CARS2: variants seen among roughly 807,000 people sequenced by gnomAD.
CARS2 encodes the protein probable cysteine--tRNA ligase, mitochondrial.
In CARS2, 52 loss-of-function variants were observed where a neutral mutation model predicts 68.8. That is an observed-to-expected ratio of 0.76 (90% confidence interval 0.61 to 0.95). CARS2 has a LOEUF of 0.95. Among genes scored for constraint, CARS2 ranks in the 40% least tolerant of loss-of-function variants. The probability of loss-of-function intolerance (pLI) is 0.00; values close to 1 mark genes in which losing one functional copy is unlikely to be tolerated. For missense variants in CARS2, 780 were observed against 754.2 expected, an observed-to-expected ratio of 1.03 and a Z score of -0.40; for synonymous variants, 314 against 303.6, an observed-to-expected ratio of 1.03 and a Z score of -0.36.
rs142962763 is a variant in CARS2, at chr13:110,683,078, C to T, written c.628G>A (p.Val210Met). 1.5e-4 allele frequency: 233 copies of T among 1,602,450 alleles called. 2 individuals are homozygous for T. In the South Asian group the frequency reaches 1.8e-3, roughly 13 times the overall value. Residue 210 changes from valine to methionine, a missense_variant, in exon 6 of 15, where the codon GTG becomes ATG. Coordinates refer to ENST00000257347, the MANE Select transcript of CARS2 (RefSeq NM_024537.4). ...GGCTCTCCGACTGGACCAGGGACCACGCCGACCAATTTGCCATACTTGTCT... is the reference window on the plus strand; with the variant it reads ...GGCTCTCCGACTGGACCAGGGACCATGCCGACCAATTTGCCATACTTGTCT... Reference protein sequence around the residue: ...RGDKYGKLVGVVPGPVGEPAD... With the variant: ...RGDKYGKLVGMVPGPVGEPAD...
upstream of CARS2, among the ~76,000 whole-genome samples, chr13:110,706,952 C>T (rs540370397): frequency 3.4e-5 from 5 of 148,766 alleles, no homozygotes; most frequent in East Asian, 8.0e-4. Context: ...CCCTAGCACA[C>T]ACCACATCAG....
rs984283842 is a variant in CARS2 at position 110,670,706 on chromosome 13, A to G, written c.786-3233T>C. ...AGCAATGGAACAAAGCTGGACAGAG[A>G]ATGACTTTGATGAGTTGAGAGAAGA... is the stretch of plus-strand genomic sequence containing the variant. On this transcript the variant is annotated intron_variant, in intron 7 of 14. Coordinates refer to ENST00000257347, the MANE Select transcript of CARS2 (RefSeq NM_024537.4). The surrounding 1 kb of genome is among the most constrained non-coding windows in gnomAD (Gnocchi z 4.1). Among the ~76,000 whole-genome samples the G allele has an allele frequency of 2.0e-5, 3 of 152,214 alleles. No individual in the cohort carries two copies. Among genetic ancestry groups the G allele is most frequent in the African/African-American group, 7.2e-5 (3 of 41,466 alleles).
chr13:110,705,743 C>A lies in CARS2; in HGVS notation c.224+127G>T. The A allele has an allele frequency of 6.5e-7, 1 of 1,537,462 alleles. No individual in the cohort carries two copies. Among genetic ancestry groups the A allele is most frequent in the South Asian group, 1.2e-5 (1 of 83,554 alleles). The stretch of plus-strand genomic sequence containing the variant: ...AAACCTGCAAAAGCACCGCGCACCC[C>A]CAGCTTCTAGAACGGCGCCCTCCAT... On this transcript the variant is annotated intron_variant, in intron 1 of 14. Coordinates refer to ENST00000257347, the MANE Select transcript of CARS2 (RefSeq NM_024537.4). The surrounding 1 kb of genome is among the most constrained non-coding windows in gnomAD (Gnocchi z 4.0).
At chr13:110,687,669 ACT>A (rs2063339113) in intron 5 of CARS2, 50 bp downstream of exon 5, 8 of 1,196,338 alleles carry the variant, frequency 6.7e-6, no homozygotes, top group East Asian at 2.4e-5. Flanking sequence ...ACAGAGTAAA[ACT>A]CTGTCTCAAA....
At chr13:110,689,418 C>T (rs1257320654) in intron 3 of CARS2, among the ~76,000 whole-genome samples, 2 of 152,190 alleles carry the variant, frequency 1.3e-5, no homozygotes, top group Admixed American at 6.5e-5. Context: ...GGGCCAGGTC[C>T]CAACCATGTG....
intron 3 of CARS2, among the ~76,000 whole-genome samples, chr13:110,689,899 C>A (rs1409511050): frequency 2.0e-5 from 3 of 152,144 alleles, no homozygotes; most frequent in Non-Finnish European, 4.4e-5. Context: ...CAGACTCCCC[C>A]GGAAGTCTCA....
chr13:110,641,788 T>C (rs1045825981), intron 14 of CARS2, among the ~76,000 whole-genome samples, 180 bp from the exon 15 acceptor site: 9 of 152,244 alleles, frequency 5.9e-5, no homozygotes, highest in Non-Finnish European at 1.0e-4. Flanking sequence ...TCAAGGCACC[T>C]GCAGGAGGTG....
chr13:110,663,406 A>G (rs755955460), intron 9 of CARS2, 45 bp downstream of exon 9: 1 of 1,583,576 alleles, frequency 6.3e-7, no homozygotes, highest in South Asian at 1.1e-5. Context: ...GATGGGTTCC[A>G]CAAGCTATCG....
In CARS2 at chr13:110,677,023, AG is replaced by A. The variant is rs767537751; in HGVS notation, c.735del (p.Trp246GlyfsTer31). The A allele has an allele frequency of 6.2e-7, 1 of 1,604,878 alleles. No individual in the cohort carries two copies. The highest frequency in any genetic ancestry group is 8.5e-7 in the Non-Finnish European group (1 of 1,173,032). On this transcript the variant is annotated frameshift_variant, in exon 7 of 15. Transcript: ENST00000257347. LOFTEE classifies it high-confidence loss of function. ...AKPQEVFWAS[P>X]WGPGRPGWHI... ...TGCCAGCCCGGCCTCCCGGGTCCCC[AG>A]GGAGAGGCCCAGAACACCTCCTGGG...
At chr13:110,701,916 T>C (rs1311972513) in intron 2 of CARS2, among the ~76,000 whole-genome samples, 2 of 152,170 alleles carry the variant, frequency 1.3e-5, no homozygotes, top group East Asian at 3.8e-4. Flanking sequence ...TGTTCTAGAG[T>C]AATTCTAATT....
intron 7 of CARS2, among the ~76,000 whole-genome samples, chr13:110,673,995 A>G (rs987058947): frequency 6.6e-6 from 1 of 152,150 alleles, no homozygotes; most frequent in African/African-American, 2.4e-5. Context: ...TAGGAATCCA[A>G]CTTACAAGGG....
intron 9 of CARS2, chr13:110,663,191 C>T (rs1480761605): frequency 5.2e-6 from 3 of 578,488 alleles, no homozygotes; most frequent in African/African-American, 1.9e-5. Flanking sequence ...GAAGAGGGCG[C>T]CGGCCTTGAA....
intron 13 of CARS2, chr13:110,644,127 G>A (rs747824816): frequency 1.3e-5 from 18 of 1,388,102 alleles, no homozygotes; most frequent in African/African-American, 2.9e-5. Flanking sequence ...CAGAGCTGGC[G>A]ACATTCTGTT....
chr13:110,687,910 C>T (rs781623304), intron 4 of CARS2, 37 bp downstream of exon 4: 1 of 1,584,430 alleles, frequency 6.3e-7, no homozygotes, highest in East Asian at 2.2e-5. Context: ...TCACGCCTGT[C>T]ACCCTCATGG....
At chr13:110,675,303 C>T (rs1384117979) in intron 7 of CARS2, among the ~76,000 whole-genome samples, 1 of 152,196 alleles carries the variant, frequency 6.6e-6, no homozygotes, top group African/African-American at 2.4e-5. Context: ...GACTTGGAAC[C>T]AACCCAAATG....
chr13:110,679,650 C>T (rs1361821530), intron 6 of CARS2, among the ~76,000 whole-genome samples: 4 of 43,162 alleles, frequency 9.3e-5, no homozygotes, highest in Non-Finnish European at 1.3e-4. Flanking sequence ...CGGGCGTGAC[C>T]GGAGGGAGGG....
exon 1 of CARS2, chr13:110,713,347 C>T (rs2139962415): frequency 8.2e-6 from 9 of 1,093,608 alleles, no homozygotes; most frequent in Non-Finnish European, 1.0e-5. Flanking sequence ...AGGTCCTGGT[C>T]GGGTTTTCAG....
upstream of CARS2, among the ~76,000 whole-genome samples, chr13:110,710,109 G>A (rs1160503230): frequency 5.3e-5 from 8 of 152,190 alleles, no homozygotes; most frequent in South Asian, 1.2e-3. Flanking sequence ...GGCCAGGCGC[G>A]GTGGTTCACG....
At chr13:110,660,913 C>G (rs1377199167) in intron 9 of CARS2, among the ~76,000 whole-genome samples, 1 of 152,070 alleles carries the variant, frequency 6.6e-6, no homozygotes, top group African/African-American at 2.4e-5. Flanking sequence ...AGGTGTCCAC[C>G]ACCACGCCCA....
Sources: gnomAD v4.1 joint callset for allele counts (sites outside exome capture counted in the v4.1 genomes callset) on GRCh38, gnomAD v4.1.1 for gene constraint, Gnocchi (gnomAD v3.1) non-coding constraint, MANE v1.5 for transcripts, NCBI Gene and HGNC (gene_info 2026-07-23, HGNC 2026-07-21) for gene names.